The following GPR139 variants were observed in gnomAD, a reference collection of about 807,000 sequenced individuals.
The protein encoded by GPR139 is G protein-coupled receptor 139.
GPR139 carries 12 observed loss-of-function variants against 25.8 expected under a neutral mutation model. The observed-to-expected ratio is 0.47, with a 90% CI of 0.30 to 0.75. GPR139 has a LOEUF of 0.75. Ranked by LOEUF, GPR139 falls within the 30% of genes least tolerant of loss-of-function variation. The pLI is 0.07. For missense variants in GPR139, 380 were observed against 450.2 expected (o/e 0.84, Z 1.41); for synonymous variants, 184 against 179.9 (o/e 1.02, Z -0.18).
chr16:20,036,478 C>T (rs1466856151), intron 1 of GPR139, among the ~76,000 whole-genome samples: 1 of 152,198 alleles, frequency 6.6e-6, no homozygotes, highest in East Asian at 1.9e-4. Flanking sequence ...GTTTAATTGA[C>T]TCACAGTTCC....
At position 20,073,638 on chromosome 16, in the gene GPR139, T is replaced by A; in HGVS notation, c.-22A>T. ...CCATGAGCGCGCCCCTCGCTCCCCT[T>A]GCCGCTTCGCGCCCGGCCTGCCAGC... On this transcript the variant is annotated 5_prime_UTR_variant, in exon 1 of 2. Transcript: ENST00000570682. This position sits in a 1 kb window ranked among gnomAD's most constrained non-coding sequence, Gnocchi z 4.7. 6.4e-7 allele frequency: 1 copy of A among 1,553,414 alleles called. No individual in the cohort carries two copies.
chr16:20,031,140 A>G lies in GPR139; in HGVS notation c.*595T>C, dbSNP rs1567233622. On this transcript the variant is annotated 3_prime_UTR_variant, in exon 2 of 2. Coordinates refer to ENST00000570682, the MANE Select transcript of GPR139 (RefSeq NM_001002911.4). ...GAGATTTCCTGAAGAAGCTCTGGCC[A>G]CAGTTTGGATGGGATCCAATACTCT... 6.6e-6 allele frequency among the ~76,000 whole-genome samples: 1 copy of G among 152,182 alleles called. No homozygotes were observed.
chr16:20,033,858 T>G (rs1163221960), intron 1 of GPR139, among the ~76,000 whole-genome samples: 2 of 151,972 alleles, frequency 1.3e-5, no homozygotes, highest in Admixed American at 6.6e-5. Flanking sequence ...CAAAAGTAAT[T>G]GGCAAAAACT....
At chr16:20,069,161 T>C (rs975339077) in intron 1 of GPR139, among the ~76,000 whole-genome samples, 3 of 152,216 alleles carry the variant, frequency 2.0e-5, no homozygotes, top group Non-Finnish European at 4.4e-5. Flanking sequence ...AATTTTTAAA[T>C]GATGAAAAAA....
Position 20,057,247 on chromosome 16 carries a change from T to C in GPR139, c.127+16243A>G, listed in dbSNP as rs562016350. Among the ~76,000 whole-genome samples the C allele has an allele frequency of 3.3e-5, 5 of 152,210 alleles. No individual in the cohort carries two copies. In the South Asian group the frequency reaches 1.0e-3, roughly 32 times the overall value. On this transcript the variant is annotated intron_variant, in intron 1 of 1. Coordinates refer to ENST00000570682, the MANE Select transcript of GPR139 (RefSeq NM_001002911.4). ...ATTACCTTGGGCAGGCCACTTTACTTCTCGAAGCCTTAGTTTCCCCATATG... is the reference window on the plus strand; with the variant it reads ...ATTACCTTGGGCAGGCCACTTTACTCCTCGAAGCCTTAGTTTCCCCATATG...
At chr16:20,039,257 G>T (rs1013756768) in intron 1 of GPR139, among the ~76,000 whole-genome samples, 1 of 152,188 alleles carries the variant, frequency 6.6e-6, no homozygotes, top group Non-Finnish European at 1.5e-5. Context: ...TTTGTTGTCA[G>T]ACCACACCAC....
rs750115024 is a variant in GPR139 at position 20,032,367 on chromosome 16, G to T, written c.430C>A (p.Arg144Ser). Residue 144 changes from arginine to serine, a missense_variant, in exon 2 of 2, where the codon CGC becomes AGC. By Grantham distance (110) the Arg-to-Ser change is moderately radical. Coordinates refer to ENST00000570682, the MANE Select transcript of GPR139 (RefSeq NM_001002911.4). ...ACACTTACAATGACTTTCCGGGTGCGGGCTGGGTATGAGACCGTGTGGTAC... is the reference window on the plus strand; with the variant it reads ...ACACTTACAATGACTTTCCGGGTGCTGGCTGGGTATGAGACCGTGTGGTAC... ...LKYHTVSYPA[R>S]TRKVIVSVYI... is the part of the protein sequence containing the mutation. The T allele has an allele frequency of 6.2e-7, 1 of 1,614,206 alleles. No homozygotes were observed.
intron 1 of GPR139, among the ~76,000 whole-genome samples, chr16:20,053,492 T>G (rs2057379050): frequency 6.6e-6 from 1 of 152,164 alleles, no homozygotes. Context: ...GAAAGCATGC[T>G]GTGTTTGCAG....
intron 1 of GPR139, among the ~76,000 whole-genome samples, chr16:20,042,689 TCTC>T (rs916066046): frequency 1.3e-5 from 2 of 152,180 alleles, no homozygotes; most frequent in African/African-American, 4.8e-5. Context: ...TTCACTATCA[TCTC>T]CTCTTTATTA....
chr16:20,054,442 G>T lies in GPR139; in HGVS notation c.127+19048C>A, dbSNP rs535357265. Among the ~76,000 whole-genome samples, 7 of 152,094 alleles carry T rather than the reference G, an allele frequency of 4.6e-5. No individual in the cohort carries two copies. In the South Asian group the frequency reaches 1.5e-3, roughly 32 times the overall value. The stretch of plus-strand genomic sequence containing the variant: ...TTTTTTTTCCAGACAATATAATTGT[G>T]TGCTTAGAAAACCCAAGAAAATTAA... On this transcript the variant is annotated intron_variant, in intron 1 of 1. Coordinates refer to ENST00000570682, the MANE Select transcript of GPR139 (RefSeq NM_001002911.4).
At chr16:20,071,731 C>G (rs1255090586) in intron 1 of GPR139, among the ~76,000 whole-genome samples, 2 of 152,130 alleles carry the variant, frequency 1.3e-5, no homozygotes, top group African/African-American at 2.4e-5. Flanking sequence ...TGGCTTCCAC[C>G]TTGAGGTCTT....
intron 1 of GPR139, among the ~76,000 whole-genome samples, chr16:20,036,786 C>T (rs1291940186): frequency 6.6e-6 from 1 of 152,158 alleles, no homozygotes; most frequent in Non-Finnish European, 1.5e-5. Context: ...CTATCTACCT[C>T]ATAGGGTTGT....
chr16:20,043,590 GGC>G (rs2057343968), intron 1 of GPR139, among the ~76,000 whole-genome samples: 1 of 152,198 alleles, frequency 6.6e-6, no homozygotes, highest in African/African-American at 2.4e-5. Context: ...TGATTAAAAT[GGC>G]AGTGCAGGTA....
In GPR139 at chr16:20,029,052, A is replaced by ATT. The variant is rs2057277645; in HGVS notation, c.*2681_*2682dup. 6.6e-6 allele frequency among the ~76,000 whole-genome samples: 1 copy of ATT among 152,234 alleles called. No individual in the cohort carries two copies. The highest frequency in any genetic ancestry group is 2.1e-4 in the South Asian group (1 of 4,830). ...AAAGTCCTTAGATAGTTTGAAATAA[A>ATT]TTTTAAGAGATATGAATCAACCTAA... On this transcript the variant is annotated 3_prime_UTR_variant, in exon 2 of 2. Transcript: ENST00000570682.
chr16:20,067,938 G>T (rs2057442127), intron 1 of GPR139, among the ~76,000 whole-genome samples: 1 of 151,836 alleles, frequency 6.6e-6, no homozygotes, highest in Admixed American at 6.6e-5. Flanking sequence ...CATCGTGGAT[G>T]ATTAATATAT....
intron 1 of GPR139, among the ~76,000 whole-genome samples, chr16:20,072,069 G>A (rs7188638): frequency 2.0e-5 from 3 of 152,014 alleles, no homozygotes; most frequent in Admixed American, 6.5e-5. Flanking sequence ...AGGGCTGAAG[G>A]GGGGAGGTGG....
In GPR139 at chr16:20,031,242, G is replaced by A. The variant is rs1428040627; in HGVS notation, c.*493C>T. On this transcript the variant is annotated 3_prime_UTR_variant, in exon 2 of 2. Transcript: ENST00000570682. ...ACCACAACCCTCTCTAGGACAAAGG[G>A]CACCTTGAAAAAAATCCTGAAATAG... Among the ~76,000 whole-genome samples, 1 of 151,932 alleles carries A rather than the reference G, an allele frequency of 6.6e-6. No individual in the cohort carries two copies. The highest frequency in any genetic ancestry group is 1.5e-5 in the Non-Finnish European group (1 of 67,988).
At chr16:20,052,525 C>T (rs1049551122) in intron 1 of GPR139, among the ~76,000 whole-genome samples, 24 of 152,118 alleles carry the variant, frequency 1.6e-4, no homozygotes, top group Non-Finnish European at 2.5e-4. Flanking sequence ...CGGCTGGGCG[C>T]GGTGGCTCAC....
At chr16:20,050,449 C>A (rs1177240715) in intron 1 of GPR139, among the ~76,000 whole-genome samples, 6 of 152,112 alleles carry the variant, frequency 3.9e-5, no homozygotes, top group Non-Finnish European at 8.8e-5. Context: ...GAATTAGTTG[C>A]TGTATTTATA....
Sources: gnomAD v4.1 joint callset for allele counts (sites outside exome capture counted in the v4.1 genomes callset) on GRCh38, gnomAD v4.1.1 for gene constraint, Gnocchi (gnomAD v3.1) non-coding constraint, MANE v1.5 for transcripts, NCBI Gene and HGNC (gene_info 2026-07-23, HGNC 2026-07-21) for gene names.